Variants in CDCP1 observed in about 807,000 individuals in gnomAD.
CDCP1 encodes the protein CUB domain containing protein 1, also known as CUB domain-containing protein 1.
In CDCP1, 29 loss-of-function variants were observed where a neutral mutation model predicts 60.2. The observed-to-expected ratio is 0.48, with a 90% CI of 0.36 to 0.66. The LOEUF (loss-of-function observed/expected upper bound fraction) is 0.66, where lower values mean the gene tolerates loss of function less well. Ranked by LOEUF, CDCP1 falls within the 30% of genes least tolerant of loss-of-function variation. CDCP1 has a pLI of 0.00. For synonymous variants in CDCP1, 387 were observed against 431.1 expected, an observed-to-expected ratio of 0.90 and a Z score of 1.27; for missense variants, 876 against 1,074.3, an observed-to-expected ratio of 0.82 and a Z score of 2.58.
intron 6 of CDCP1, among the ~76,000 whole-genome samples, 167 bp downstream of exon 6, chr3:45,093,110 T>G (rs556591102): frequency 1.3e-5 from 2 of 152,214 alleles, no homozygotes; most frequent in Non-Finnish European, 2.9e-5. Context: ...AGGTTAATGG[T>G]AAAGTCAGGA....
In CDCP1 at chr3:45,112,427, C is replaced by A. The variant is rs372597872; in HGVS notation, c.311G>T (p.Cys104Phe). The change falls in exon 3 of 9, where the codon TGT becomes TTT. Residue 104 changes from cysteine (C) to phenylalanine (F), a missense_variant. Cys to Phe is a radical substitution (Grantham distance 205). Coordinates refer to ENST00000296129, the MANE Select transcript of CDCP1 (RefSeq NM_022842.5). Reference sequence around the variant, plus strand: ...CTGAAGCTGAACCTCCCCAAAAGGACATGGGCCTGACATACAGTCTGAAAA... The same window carrying A: ...CTGAAGCTGAACCTCCCCAAAAGGAAATGGGCCTGACATACAGTCTGAAAA... ...QKNIDCMSGP[C>F]PFGEVQLQPS... is the part of the protein sequence containing the mutation. 16 of 1,613,596 alleles carry A rather than the reference C, an allele frequency of 9.9e-6. No individual in the cohort carries two copies. The African/African-American group carries it at 2.1e-4, about 22-fold the overall frequency.
intron 1 of CDCP1, among the ~76,000 whole-genome samples, chr3:45,145,618 G>A (rs974030344): frequency 1.3e-5 from 2 of 152,200 alleles, no homozygotes; most frequent in Non-Finnish European, 2.9e-5. Flanking sequence ...AAATCCGGGC[G>A]CTTTCATTTT....
intron 4 of CDCP1, among the ~76,000 whole-genome samples, chr3:45,102,790 A>G (rs1307634447): frequency 6.6e-6 from 1 of 152,004 alleles, no homozygotes; most frequent in African/African-American, 2.4e-5. Context: ...CCTCCCTAGT[A>G]GCTGGGACCA....
In CDCP1 at chr3:45,085,973, G is replaced by A. The variant is rs1483766663; in HGVS notation, c.2176C>T (p.Arg726Ter). The change falls in exon 9 of 9, where the codon CGA (arginine) becomes TGA (stop). Residue 726 changes from arginine to a stop codon, truncating the protein, a stop_gained. Transcript: ENST00000296129. LOFTEE classifies it low-confidence loss of function (END_TRUNC). The surrounding 1 kb of genome is among the most constrained non-coding windows in gnomAD (Gnocchi z 4.2). ...TACACATGGGAGTCATTGTCCTTTC[G>A]CCCTTTCTGAAACTTTTTTGGCTGC... ...PRQPKKFQKGRKDNDSHVYAV... is the reference protein window; with the variant it reads ...PRQPKKFQKG 1 of 1,614,110 alleles carries A rather than the reference G, an allele frequency of 6.2e-7. No homozygotes were observed. The highest frequency in any genetic ancestry group is 8.5e-7 in the Non-Finnish European group (1 of 1,180,008).
rs373288798 is a variant in CDCP1, at chr3:45,141,823, A to C, written c.82+4383T>G. On this transcript the variant is annotated intron_variant, in intron 1 of 8. Transcript: ENST00000296129. ...TTTTTATAATTTAGAATGATAATTA[A>C]GGGGTATAAACTTTTCTTTTTTTTT... Among the ~76,000 whole-genome samples, 16 of 150,814 alleles carry C rather than the reference A, an allele frequency of 1.1e-4. No homozygotes were observed. In the East Asian group the frequency reaches 1.5e-3, roughly 15 times the overall value.
chr3:45,146,022 G>C (rs985325119), intron 1 of CDCP1, among the ~76,000 whole-genome samples, 184 bp downstream of exon 1: 1 of 151,964 alleles, frequency 6.6e-6, no homozygotes, highest in African/African-American at 2.4e-5. Flanking sequence ...CGCGGCGCGC[G>C]CAGGAACCGA....
At chr3:45,088,434 C>T (rs531821353) in intron 8 of CDCP1, among the ~76,000 whole-genome samples, 26 of 152,174 alleles carry the variant, frequency 1.7e-4, no homozygotes, top group African/African-American at 4.3e-4. Context: ...TGCAGTGAAC[C>T]GAGATTGCAC....
At chr3:45,140,754 A>G (rs141564712) in intron 1 of CDCP1, among the ~76,000 whole-genome samples, 1 of 152,372 alleles carries the variant, frequency 6.6e-6, no homozygotes, top group African/African-American at 2.4e-5. Flanking sequence ...TTATCATTGA[A>G]CACTGTAGAA....
chr3:45,127,127 CAT>C (rs1461824189), intron 1 of CDCP1, among the ~76,000 whole-genome samples: 1 of 152,180 alleles, frequency 6.6e-6, no homozygotes, highest in African/African-American at 2.4e-5. Flanking sequence ...AAAAGGAAAA[CAT>C]ATTTGTTTTA....
chr3:45,093,291 A>T lies in CDCP1; in HGVS notation c.1613T>A (p.Ile538Lys), dbSNP rs1349756831. 1 of 1,614,034 alleles carries T rather than the reference A, an allele frequency of 6.2e-7. No individual in the cohort carries two copies. Among genetic ancestry groups the T allele is most frequent in the Non-Finnish European group, 8.5e-7 (1 of 1,180,012 alleles). ...ASRQGLTVSFIPYFKEEGVFT... is the reference protein window; with the variant it reads ...ASRQGLTVSFKPYFKEEGVFT... ...ACCCCCCTTACCTTTGAAATAAGGT[A>T]TAAAGGACACCGTCAGACCCTGCCT... is the stretch of plus-strand genomic sequence containing the variant. The change falls in exon 6 of 9, where the codon ATA becomes AAA. Residue 538 changes from isoleucine to lysine, a missense_variant. By Grantham distance (102) the Ile-to-Lys change is moderately radical. Around this residue, in one of 2 missense-constraint regions of CDCP1, gnomAD observed 726 missense variants for 935.7 expected, o/e 0.78. Transcript: ENST00000296129.
At chr3:45,107,070 C>T (rs529363225) in intron 4 of CDCP1, among the ~76,000 whole-genome samples, 29 of 152,298 alleles carry the variant, frequency 1.9e-4, no homozygotes, top group South Asian at 2.1e-4. Flanking sequence ...CTACCAGCTG[C>T]GGTCCACTCT....
chr3:45,117,597 C>CT (rs576166067), intron 2 of CDCP1, among the ~76,000 whole-genome samples: 2,451 of 139,886 alleles, frequency 0.018, 41 homozygotes, highest in Admixed American at 0.057. Context: ...TCCTCAACTT[C>CT]TTTTTTTTTT....
chr3:45,124,196 T>G (rs1349826619), intron 1 of CDCP1, among the ~76,000 whole-genome samples: 1 of 152,180 alleles, frequency 6.6e-6, no homozygotes, highest in Non-Finnish European at 1.5e-5. Flanking sequence ...TTCTTTGCAA[T>G]TCTCGATTCT....
rs138913446 is a variant in CDCP1, at chr3:45,118,546, G to T, written c.158C>A (p.Ala53Glu). ...LIKLGTPTLLAKPCYIVISKR... is the reference protein window; with the variant it reads ...LIKLGTPTLLEKPCYIVISKR... ...AGAAATGACGATGTAACAGGGTTTT[G>T]CCAGCAGAGTCGGGGTCCCCAGCTT... The change falls in exon 2 of 9, where the codon GCA becomes GAA. Residue 53 changes from alanine to glutamate, a missense_variant. Physicochemically the swap from Ala to Glu is moderately radical, Grantham distance 107. Transcript: ENST00000296129. 226 of 1,614,108 alleles carry T rather than the reference G, an allele frequency of 1.4e-4. No individual in the cohort carries two copies. The African/African-American group carries it at 2.9e-3, about 20-fold the overall frequency.
intron 1 of CDCP1, among the ~76,000 whole-genome samples, chr3:45,145,733 T>C (rs1559405097): frequency 6.6e-6 from 1 of 151,940 alleles, no homozygotes. Context: ...TTTTGCACCT[T>C]CTCTCTGGAC....
At chr3:45,111,955 C>T in intron 3 of CDCP1, 128 bp downstream of exon 3, 3 of 1,221,246 alleles carry the variant, frequency 2.5e-6, no homozygotes, top group Non-Finnish European at 2.2e-6. Flanking sequence ...TATAAGAGAG[C>T]TAGATCTTCC....
intron 4 of CDCP1, among the ~76,000 whole-genome samples, chr3:45,099,368 T>G (rs1331640368): frequency 2.6e-5 from 4 of 152,106 alleles, no homozygotes; most frequent in African/African-American, 9.7e-5. Flanking sequence ...TAAAGTTTGT[T>G]GCCATTTGGT....
chr3:45,107,228 A>G (rs552076837), intron 4 of CDCP1, among the ~76,000 whole-genome samples: 1 of 149,718 alleles, frequency 6.7e-6, no homozygotes, highest in Admixed American at 6.6e-5. Context: ...TTTTTTTGAG[A>G]TGGAGTCTTG....
In CDCP1 at chr3:45,083,806, G is replaced by A. The variant is rs1698141557; in HGVS notation, c.*1832C>T. Reference sequence around the variant, plus strand: ...TGCCAGTGATCCCAGCTATTTGGGAGGCTGAGGTGGGAGAATTGCTTGAGC... The same window carrying A: ...TGCCAGTGATCCCAGCTATTTGGGAAGCTGAGGTGGGAGAATTGCTTGAGC... On this transcript the variant is annotated 3_prime_UTR_variant, in exon 9 of 9. Coordinates refer to ENST00000296129, the MANE Select transcript of CDCP1 (RefSeq NM_022842.5). 6.6e-6 allele frequency: 1 copy of A among 151,954 alleles called. No homozygotes were observed. Among genetic ancestry groups the A allele is most frequent in the South Asian group, 2.1e-4 (1 of 4,790 alleles). 9.4% of individuals were successfully genotyped at this position (151,954 alleles called of 1,614,324 possible).
Sources: allele counts gnomAD v4.1 joint callset (sites outside exome capture counted in the v4.1 genomes callset), GRCh38; gene constraint gnomAD v4.1.1; regional missense constraint gnomAD v4.1.1; non-coding constraint Gnocchi (gnomAD v3.1); transcripts MANE v1.5; gene names NCBI Gene and HGNC (gene_info 2026-07-23, HGNC 2026-07-21).